FBXO24: variants seen among roughly 807,000 people sequenced by gnomAD.
FBXO24 encodes F-box protein 24.
Under a neutral mutation model 63.5 loss-of-function variants are expected in FBXO24, and 30 were observed. That is an observed-to-expected ratio of 0.47 (90% CI 0.35 to 0.64). FBXO24 has a LOEUF of 0.64. Ranked by LOEUF, FBXO24 falls within the 30% of genes least tolerant of loss-of-function variation. The probability of loss-of-function intolerance (pLI) is 0.00; values close to 1 mark genes in which losing one functional copy is unlikely to be tolerated. For synonymous variants in FBXO24, 300 were observed against 305.0 expected (o/e 0.98, Z 0.17); for missense variants, 624 against 763.4 (o/e 0.82, Z 2.15).
At chr7:100,589,299 G>A in intron 1 of FBXO24, 3 of 811,244 alleles carry the variant, frequency 3.7e-6, no homozygotes, top group Non-Finnish European at 3.0e-6. Context: ...GCCTTGGCCT[G>A]CTGAAATGTG....
chr7:100,599,549 T>C lies in FBXO24; in HGVS notation c.1207-482T>C, dbSNP rs1474982061. On this transcript the variant is annotated intron_variant, in intron 8 of 9. Coordinates refer to ENST00000241071, the MANE Select transcript of FBXO24 (RefSeq NM_033506.3). ...GAGATCGCACTGCTGCACTCCAGCC[T>C]TCCGACTCTGTCTCAAACAAAAAAA... is the stretch of plus-strand genomic sequence containing the variant. 9 of 159,358 alleles carry C rather than the reference T, an allele frequency of 5.6e-5. No individual in the cohort carries two copies. In the East Asian group the frequency reaches 1.3e-3, roughly 24 times the overall value. The allele number at this position is 159,358 out of a possible 1,614,324, so 9.9% of individuals were successfully genotyped here. A position where few individuals can be genotyped will look rare whatever the true frequency, so the allele number is the denominator to read the frequency against.
Position 100,586,600 on chromosome 7 carries a change from G to C in FBXO24, c.-26G>C. The C allele has an allele frequency of 6.2e-7, 1 of 1,614,106 alleles. No individual in the cohort carries two copies. Reference sequence around the variant, plus strand: ...GGGAATCTGGACCTGCCTCTTCTCTGAGGGACGGCTCTACCTACCAATAGC... The same window carrying C: ...GGGAATCTGGACCTGCCTCTTCTCTCAGGGACGGCTCTACCTACCAATAGC... On this transcript the variant is annotated 5_prime_UTR_variant, in exon 1 of 10. Transcript: ENST00000241071.
chr7:100,591,580 G>C (rs1802028591), intron 3 of FBXO24, 87 bp from the exon 4 acceptor site: 1 of 1,232,440 alleles, frequency 8.1e-7, no homozygotes, highest in Non-Finnish European at 1.2e-6. Flanking sequence ...CTACAAACCA[G>C]CGTGTCTAAG....
At position 100,593,015 on chromosome 7, in the gene FBXO24, C is replaced by A. The variant is rs752743327; in HGVS notation, c.791C>A (p.Thr264Lys). Residue 264 changes from threonine to lysine, a missense_variant and splice_region_variant, in exon 5 of 10, where the codon ACA becomes AAA. Physicochemically the swap from Thr to Lys is moderately conservative, Grantham distance 78. This residue lies in a region of FBXO24 where 391 missense variants were observed against 469.1 expected (regional missense o/e 0.83). Transcript: ENST00000241071. ...QETQRALLLL[T>K]EEGKIYSLVV... ...ACCCAGCGGGCTCTACTGCTCCTCA[C>A]AGGTGTGGCCCAAAGCAATGGCTTT... The A allele has an allele frequency of 1.7e-5, 28 of 1,613,288 alleles. No individual in the cohort carries two copies. The highest frequency in any genetic ancestry group is 2.4e-5 in the Non-Finnish European group (28 of 1,179,414).
Position 100,586,422 on chromosome 7 carries a change from T to C in FBXO24, c.-204T>C, listed in dbSNP as rs532398769. On this transcript the variant is annotated 5_prime_UTR_variant, in exon 1 of 10. Transcript: ENST00000241071. ...AGATCGGGAGGTGGAGCCAATCAGG[T>C]CCAACCAAGAGGAGGGGACACCGGC... 3 of 650,786 alleles carry C rather than the reference T, an allele frequency of 4.6e-6. No homozygotes were observed. In the East Asian group the frequency reaches 8.2e-5, roughly 18 times the overall value. The allele number at this position is 650,786 out of a possible 1,614,324, so 40.3% of individuals were successfully genotyped here.
intron 8 of FBXO24, among the ~76,000 whole-genome samples, chr7:100,596,137 G>A (rs1276781006): frequency 6.6e-6 from 1 of 152,164 alleles, no homozygotes; most frequent in Non-Finnish European, 1.5e-5. Context: ...AAATTAGCTG[G>A]CTGTGGTGGC....
chr7:100,589,400 C>T, intron 1 of FBXO24: 1 of 1,197,194 alleles, frequency 8.4e-7, no homozygotes, highest in East Asian at 3.6e-5. Context: ...AAGATGTCAC[C>T]TACCAGTAAT....
rs1050680089 is a variant in FBXO24 at position 100,586,568 on chromosome 7, C to T, written c.-58C>T. On this transcript the variant is annotated 5_prime_UTR_variant, in exon 1 of 10. Transcript: ENST00000241071. ...GACTGTCAAGAAGGCCAATTAGAGC[C>T]TCCGAAGGGAATCTGGACCTGCCTC... 1.3e-6 allele frequency: 2 copies of T among 1,586,216 alleles called. No homozygotes were observed. The highest frequency in any genetic ancestry group is 8.7e-7 in the Non-Finnish European group (1 of 1,155,226).
At chr7:100,588,643 A>G (rs1478772243) in intron 1 of FBXO24, among the ~76,000 whole-genome samples, 2 of 110,366 alleles carry the variant, frequency 1.8e-5, no homozygotes, top group South Asian at 2.9e-4. Context: ...TGGGACAGAC[A>G]CAACCCTGAC....
chr7:100,600,698 GA>G lies in FBXO24; in HGVS notation c.1543del (p.Met515TrpfsTer25), dbSNP rs1562823975. The G allele has an allele frequency of 1.2e-6, 2 of 1,614,182 alleles. No homozygotes were observed. Among genetic ancestry groups the G allele is most frequent in the Middle Eastern group, 3.3e-4 (2 of 6,060 alleles). ...GARAPQDPGG[M>X]AQACEEYLSQ... Reference sequence around the variant, plus strand: ...CCAGAGCACCCCAGGACCCCGGGGGGATGGCCCAGGCCTGCGAGGAGTACCT... The same window carrying G: ...CCAGAGCACCCCAGGACCCCGGGGGGTGGCCCAGGCCTGCGAGGAGTACCT... On this transcript the variant is annotated frameshift_variant, in exon 10 of 10. Transcript: ENST00000241071. LOFTEE classifies it high-confidence loss of function. This position sits in a 1 kb window ranked among gnomAD's most constrained non-coding sequence, Gnocchi z 6.3.
chr7:100,600,423 C>G lies in FBXO24; in HGVS notation c.1378-111C>G, dbSNP rs1802539094. The G allele has an allele frequency of 6.6e-7, 1 of 1,508,100 alleles. No homozygotes were observed. The highest frequency in any genetic ancestry group is 2.3e-5 in the East Asian group (1 of 43,902). 93.4% of individuals were successfully genotyped at this position (1,508,100 alleles called of 1,614,324 possible). A position where few individuals can be genotyped will look rare whatever the true frequency, so the allele number is the denominator to read the frequency against. On this transcript the variant is annotated intron_variant, in intron 9 of 9. Transcript: ENST00000241071. This position sits in a 1 kb window ranked among gnomAD's most constrained non-coding sequence, Gnocchi z 6.3. ...ACACACCCCTGGGACTTAGCCGGCT[C>G]AGGGCTGGTGTGAGAGGGAAGAATG...
chr7:100,596,043 C>A (rs1408534981), intron 8 of FBXO24, among the ~76,000 whole-genome samples: 1 of 151,836 alleles, frequency 6.6e-6, no homozygotes, highest in Non-Finnish European at 1.5e-5. Context: ...TTTGGGAGGC[C>A]GAGGTGGACA....
In FBXO24 at chr7:100,594,389, G is replaced by A. The variant is rs1174424364; in HGVS notation, c.800G>A (p.Gly267Glu). The A allele has an allele frequency of 1.2e-6, 2 of 1,611,608 alleles. No homozygotes were observed. Among genetic ancestry groups the A allele is most frequent in the Non-Finnish European group, 8.5e-7 (1 of 1,179,066 alleles). ...QRALLLLTEE[G>E]KIYSLVVNET... ...TTGCTTCCCCTACCCCCAGAGGAAG[G>A]AAAGATCTACTCTTTGGTAGTGAAT... The change falls in exon 6 of 10, where the codon GGA becomes GAA. Residue 267 changes from glycine (G) to glutamate (E), a missense_variant. Physicochemically the swap from Gly to Glu is moderately conservative, Grantham distance 98. Coordinates refer to ENST00000241071, the MANE Select transcript of FBXO24 (RefSeq NM_033506.3). This position sits in a 1 kb window ranked among gnomAD's most constrained non-coding sequence, Gnocchi z 4.2.
intron 8 of FBXO24, among the ~76,000 whole-genome samples, chr7:100,597,889 T>G (rs371344355): frequency 7.0e-5 from 10 of 143,556 alleles, no homozygotes; most frequent in African/African-American, 2.0e-4. Flanking sequence ...TTTTTGTTTT[T>G]TTTGTTTTTT....
intron 3 of FBXO24, 24 bp downstream of exon 3, chr7:100,590,381 G>A (rs754008123): frequency 5.0e-6 from 8 of 1,586,720 alleles, no homozygotes; most frequent in East Asian, 4.5e-5. Context: ...AGAACCTCCC[G>A]TTCTCCTTGC....
rs1802446406 is a variant in FBXO24, at chr7:100,598,965, C to T, written c.1207-1066C>T. 2.7e-5 allele frequency among the ~76,000 whole-genome samples: 4 copies of T among 147,974 alleles called. No individual in the cohort carries two copies. In the South Asian group the frequency reaches 6.4e-4, roughly 23 times the overall value. ...CTGCACTTCAGCTTGGGCAACAGAGCGAGACTCCGTCTCTACAAAAAAAAA... is the reference window on the plus strand; with the variant it reads ...CTGCACTTCAGCTTGGGCAACAGAGTGAGACTCCGTCTCTACAAAAAAAAA... On this transcript the variant is annotated intron_variant, in intron 8 of 9. Coordinates refer to ENST00000241071, the MANE Select transcript of FBXO24 (RefSeq NM_033506.3).
Position 100,600,195 on chromosome 7 carries a change from A to T in FBXO24, c.1371A>T (p.Gln457His). Residue 457 changes from glutamine to histidine, a missense_variant, in exon 9 of 10, where the codon CAA becomes CAT. Gln to His is a conservative substitution (Grantham distance 24). Transcript: ENST00000241071. The surrounding 1 kb of genome is among the most constrained non-coding windows in gnomAD (Gnocchi z 6.3). Reference protein sequence around the residue: ...PKGSASFVKLQVKVPLCACAL... With the variant: ...PKGSASFVKLHVKVPLCACAL... ...GGAGTGCCTCCTTCGTCAAGCTCCA[A>T]GTCAAGGTCAGAGCGGGGTCAGGAG... is the stretch of plus-strand genomic sequence containing the variant. 3 of 1,558,874 alleles carry T rather than the reference A, an allele frequency of 1.9e-6. No homozygotes were observed. The highest frequency in any genetic ancestry group is 2.6e-6 in the Non-Finnish European group (3 of 1,150,852).
chr7:100,593,227 G>C (rs1457673122), intron 5 of FBXO24, among the ~76,000 whole-genome samples: 1 of 152,064 alleles, frequency 6.6e-6, no homozygotes, highest in Non-Finnish European at 1.5e-5. Flanking sequence ...AGGTGTGGTG[G>C]CTCACACCTG....
chr7:100,589,478 C>A, intron 1 of FBXO24: 3 of 1,285,988 alleles, frequency 2.3e-6, no homozygotes, highest in Non-Finnish European at 3.0e-6. Context: ...TGAGCTAGAA[C>A]CCAGGAGCTG....
Sources: allele counts gnomAD v4.1 joint callset (sites outside exome capture counted in the v4.1 genomes callset), GRCh38; gene constraint gnomAD v4.1.1; regional missense constraint gnomAD v4.1.1; non-coding constraint Gnocchi (gnomAD v3.1); transcripts MANE v1.5; gene names NCBI Gene and HGNC (gene_info 2026-07-23, HGNC 2026-07-21).